ITFG1: variants seen among roughly 807,000 people sequenced by gnomAD.
ITFG1 encodes integrin alpha FG-GAP repeat containing 1.
In ITFG1, 34 loss-of-function variants were observed where a neutral mutation model predicts 81.8. The observed-to-expected ratio is 0.42, with a 90% CI of 0.32 to 0.55. The LOEUF (loss-of-function observed/expected upper bound fraction) is 0.55. Ranked by LOEUF, ITFG1 falls within the 20% of genes least tolerant of loss-of-function variation. The pLI is 0.17. For missense variants in ITFG1, 672 were observed against 755.4 expected, an observed-to-expected ratio of 0.89 and a Z score of 1.29; for synonymous variants, 285 against 270.6, an observed-to-expected ratio of 1.05 and a Z score of -0.52.
intron 8 of ITFG1, among the ~76,000 whole-genome samples, chr16:47,354,667 T>G (rs969421742): frequency 1.3e-5 from 2 of 152,008 alleles, no homozygotes; most frequent in Non-Finnish European, 2.9e-5. Context: ...AGTGTTAATA[T>G]AAGAATTAAT....
At chr16:47,171,997 T>G (rs1008000725) in intron 14 of ITFG1, among the ~76,000 whole-genome samples, 1 of 152,192 alleles carries the variant, frequency 6.6e-6, no homozygotes, top group Non-Finnish European at 1.5e-5. Context: ...CATTCTTTAA[T>G]GGCTACAGTT....
intron 12 of ITFG1, among the ~76,000 whole-genome samples, chr16:47,248,051 C>T (rs1284274821): frequency 6.7e-6 from 1 of 150,294 alleles, no homozygotes; most frequent in African/African-American, 2.5e-5. Flanking sequence ...TACATACATA[C>T]TCACGTATTT....
intron 7 of ITFG1, among the ~76,000 whole-genome samples, chr16:47,367,523 G>GTC (rs1269712513): frequency 6.6e-6 from 1 of 152,198 alleles, no homozygotes; most frequent in African/African-American, 2.4e-5. Context: ...GAGATTCTAG[G>GTC]TCTTTCAGAA....
chr16:47,328,922 C>G (rs1209206206), intron 8 of ITFG1, among the ~76,000 whole-genome samples: 1 of 152,056 alleles, frequency 6.6e-6, no homozygotes, highest in Non-Finnish European at 1.5e-5. Context: ...TATTCACACC[C>G]ATGATACAAG....
chr16:47,211,444 A>G (rs1358778722), intron 14 of ITFG1, among the ~76,000 whole-genome samples: 2 of 152,162 alleles, frequency 1.3e-5, no homozygotes, highest in African/African-American at 4.8e-5. Flanking sequence ...CCTGGAGGTC[A>G]TCTATGTATA....
intron 8 of ITFG1, among the ~76,000 whole-genome samples, chr16:47,324,599 G>C (rs573175550): frequency 2.0e-5 from 3 of 152,152 alleles, no homozygotes; most frequent in African/African-American, 4.8e-5. Context: ...CTCATCTCAT[G>C]TGCAGAGACA....
intron 5 of ITFG1, among the ~76,000 whole-genome samples, chr16:47,439,894 T>C (rs1325748369): frequency 5.3e-5 from 8 of 152,072 alleles, no homozygotes; most frequent in African/African-American, 1.2e-4. Context: ...GACTGGCAAA[T>C]TGGATAAAGA....
chr16:47,262,831 C>G (rs1228462373), intron 10 of ITFG1: 1 of 152,754 alleles, frequency 6.5e-6, no homozygotes, highest in Non-Finnish European at 1.5e-5. Context: ...GCTGGCCATG[C>G]CCAGCTGGGG....
chr16:47,429,968 G>A (rs539146426), intron 5 of ITFG1, among the ~76,000 whole-genome samples: 36 of 150,368 alleles, frequency 2.4e-4, no homozygotes, highest in Admixed American at 7.3e-4. Flanking sequence ...CTGTTGGTGC[G>A]TTTTAAGAGT....
At chr16:47,249,994 T>A (rs1474218731) in intron 12 of ITFG1, among the ~76,000 whole-genome samples, 1 of 152,244 alleles carries the variant, frequency 6.6e-6, no homozygotes, top group Admixed American at 6.5e-5. Flanking sequence ...AAAAAATTCC[T>A]GCCTGGATTC....
intron 14 of ITFG1, among the ~76,000 whole-genome samples, chr16:47,209,609 C>T (rs1161684740): frequency 6.6e-6 from 1 of 152,110 alleles, no homozygotes; most frequent in Non-Finnish European, 1.5e-5. Flanking sequence ...TTATCAAAGC[C>T]AGTAAAATAC....
intron 14 of ITFG1, among the ~76,000 whole-genome samples, chr16:47,192,338 G>A (rs568506960): frequency 1.1e-4 from 16 of 152,296 alleles, no homozygotes; most frequent in African/African-American, 3.4e-4. Flanking sequence ...TGTCAGAGAC[G>A]AAAACATCAT....
intron 14 of ITFG1, among the ~76,000 whole-genome samples, chr16:47,212,060 C>T (rs1965569311): frequency 6.6e-6 from 1 of 151,640 alleles, no homozygotes; most frequent in African/African-American, 2.4e-5. Flanking sequence ...CATGTTTGTC[C>T]CACTAATCAT....
At chr16:47,265,792 A>T (rs1966268721) in intron 10 of ITFG1, among the ~76,000 whole-genome samples, 2 of 152,208 alleles carry the variant, frequency 1.3e-5, no homozygotes, top group South Asian at 4.1e-4. Context: ...CTAAACACAC[A>T]AACTACAAGC....
chr16:47,430,091 T>C (rs1423421096), intron 5 of ITFG1, among the ~76,000 whole-genome samples: 1 of 148,924 alleles, frequency 6.7e-6, no homozygotes, highest in East Asian at 2.0e-4. Context: ...AGAGTCTCGC[T>C]CTGTCACCCA....
chr16:47,383,466 T>G (rs1348652293), intron 6 of ITFG1, among the ~76,000 whole-genome samples: 33 of 152,234 alleles, frequency 2.2e-4, no homozygotes, highest in Admixed American at 2.1e-3. Flanking sequence ...TCTTATCTTG[T>G]CCACCTGTGC....
chr16:47,220,488 C>T (rs193265529), intron 13 of ITFG1, among the ~76,000 whole-genome samples: 3 of 152,232 alleles, frequency 2.0e-5, no homozygotes, highest in East Asian at 1.9e-4. Flanking sequence ...CAGTATTTGT[C>T]GCTAATGATA....
At chr16:47,365,234 T>C (rs1165799688) in intron 8 of ITFG1, among the ~76,000 whole-genome samples, 1 of 152,196 alleles carries the variant, frequency 6.6e-6, no homozygotes, top group Non-Finnish European at 1.5e-5. Context: ...CACTTTCCCA[T>C]CTCATACAAT....
chr16:47,323,144 C>G (rs1225662319), intron 8 of ITFG1, among the ~76,000 whole-genome samples: 1 of 151,942 alleles, frequency 6.6e-6, no homozygotes, highest in Non-Finnish European at 1.5e-5. Flanking sequence ...AATTTAATGC[C>G]TAATGAGGCA....
Sources: gnomAD v4.1 joint callset for allele counts (sites outside exome capture counted in the v4.1 genomes callset) on GRCh38, gnomAD v4.1.1 for gene constraint, MANE v1.5 for transcripts, NCBI Gene and HGNC (gene_info 2026-07-23, HGNC 2026-07-21) for gene names.